The following CHRNE variants were observed in gnomAD, a reference collection of about 807,000 sequenced individuals.
CHRNE encodes the protein acetylcholine receptor subunit epsilon.
Under a neutral mutation model 56.5 loss-of-function variants are expected in CHRNE, and 58 were observed. That is an observed-to-expected ratio of 1.03 (90% CI 0.83 to 1.28). The LOEUF (loss-of-function observed/expected upper bound fraction) is 1.28, where lower values mean the gene tolerates loss of function less well. Ranked by LOEUF, CHRNE falls within the 50% of genes most tolerant of loss-of-function variation. CHRNE has a pLI of 0.00. For missense variants in CHRNE, 793 were observed against 688.9 expected, an observed-to-expected ratio of 1.15 and a Z score of -1.69; for synonymous variants, 385 against 297.9, an observed-to-expected ratio of 1.29 and a Z score of -3.01.
In CHRNE at chr17:4,900,167, G is replaced by A. The variant is rs1169424726; in HGVS notation, c.918-585C>T. Reference sequence around the variant, plus strand: ...AGAGGTGGGGTACTGGGGGGCTTAGGATACGCGGCGATCGGGTAGCGGGAA... The same window carrying A: ...AGAGGTGGGGTACTGGGGGGCTTAGAATACGCGGCGATCGGGTAGCGGGAA... On this transcript the variant is annotated intron_variant, in intron 8 of 11. Coordinates refer to ENST00000649488, the MANE Select transcript of CHRNE (RefSeq NM_000080.4). 5 of 1,546,310 alleles carry A rather than the reference G, an allele frequency of 3.2e-6. No individual in the cohort carries two copies. In the African/African-American group the frequency reaches 5.5e-5, roughly 17 times the overall value.
chr17:4,901,388 T>C (rs1405669276), intron 6 of CHRNE, 137 bp downstream of exon 6: 3 of 972,518 alleles, frequency 3.1e-6, no homozygotes, highest in Non-Finnish European at 4.9e-6. Context: ...TCGAGAATGA[T>C]TTCAGGACAG....
chr17:4,899,313 G>T lies in CHRNE; in HGVS notation c.1104C>A (p.Pro368=), dbSNP rs767374241. The change falls in exon 10 of 12, where the codon CCC becomes CCA. Residue 368 remains proline, a synonymous_variant. Coordinates refer to ENST00000649488, the MANE Select transcript of CHRNE (RefSeq NM_000080.4). The part of the protein sequence containing the change: ...PPPEAPRAAS[P]PRRASSVGLL... ...AGCCCACCGACGACGCCCGCCTTGG[G>T]GGCGAGGCGGCCCGGGGGGCCTCGG... 8.9e-6 allele frequency: 14 copies of T among 1,577,664 alleles called. No individual in the cohort carries two copies. The South Asian group carries it at 1.2e-4, about 14-fold the overall frequency.
At position 4,898,427 on chromosome 17, in the gene CHRNE, CAGCCACCAGAGTCCCGTGGGGCTG is replaced by C. The variant is rs1969798703; in HGVS notation, c.*285_*308del. 1 of 466,936 alleles carries C rather than the reference CAGCCACCAGAGTCCCGTGGGGCTG, an allele frequency of 2.1e-6. No individual in the cohort carries two copies. The highest frequency in any genetic ancestry group is 2.1e-5 in the South Asian group (1 of 47,262). 28.9% of individuals were successfully genotyped at this position (466,936 alleles called of 1,614,324 possible). A position where few individuals can be genotyped will look rare whatever the true frequency, so the allele number is the denominator to read the frequency against. Reference sequence around the variant, plus strand: ...TATAGATAGATAGCTCACAAGCTGGCAGCCACCAGAGTCCCGTGGGGCTGAGCCTTAGAAAGGCTGGGAGGTCAG... The same window carrying C: ...TATAGATAGATAGCTCACAAGCTGGCAGCCTTAGAAAGGCTGGGAGGTCAG... On this transcript the variant is annotated 3_prime_UTR_variant, in exon 12 of 12. Coordinates refer to ENST00000649488, the MANE Select transcript of CHRNE (RefSeq NM_000080.4).
At chr17:4,905,780 G>T (rs1398987681), upstream of CHRNE, among the ~76,000 whole-genome samples, 3 of 151,852 alleles carry the variant, frequency 2.0e-5, no homozygotes, top group East Asian at 5.8e-4. Context: ...AGAATCACTT[G>T]AACCTGGGAG....
At chr17:4,907,406 T>TAA (rs1196672280), upstream of CHRNE, among the ~76,000 whole-genome samples, 1 of 142,514 alleles carries the variant, frequency 7.0e-6, no homozygotes. Context: ...TACTAAAAAT[T>TAA]AAAAAAAAAA....
At chr17:4,901,262 G>A in intron 6 of CHRNE, 72 bp from the exon 7 acceptor site, 1 of 1,537,130 alleles carries the variant, frequency 6.5e-7, no homozygotes, top group African/African-American at 1.4e-5. Flanking sequence ...GGCTGAAGAG[G>A]AGGCTGCGGC....
chr17:4,904,329 T>G (rs761891017), upstream of CHRNE, among the ~76,000 whole-genome samples: 22 of 151,216 alleles, frequency 1.5e-4, no homozygotes, highest in Non-Finnish European at 2.7e-4. Context: ...TCCCAAAGGG[T>G]TAGGATTACA....
Position 4,901,101 on chromosome 17 carries a change from T to A in CHRNE, c.691A>T (p.Ile231Phe), listed in dbSNP as rs1226552673. The A allele has an allele frequency of 6.2e-7, 1 of 1,613,560 alleles. No homozygotes were observed. The highest frequency in any genetic ancestry group is 2.2e-5 in the East Asian group (1 of 44,836). ...TTCCGGCGGATGATGAGCGAGTAGA[T>A]GACGTCAGTCTCCCCTGGGCCGTCG... Reference protein sequence around the residue: ...ATDGPGETDVIYSLIIRRKPL... With the variant: ...ATDGPGETDVFYSLIIRRKPL... The change falls in exon 7 of 12, where the codon ATC becomes TTC. Residue 231 changes from isoleucine (I) to phenylalanine (F), a missense_variant. Transcript: ENST00000649488.
rs1332892379 is a variant in CHRNE at position 4,899,396 on chromosome 17, G to T, written c.1033-12C>A. ...AGCTCCAGGAGAACCTGGGGCAGGG[G>T]CGGGGCTTAGGGGACGAGGTTAGTA... On this transcript the variant is annotated splice_polypyrimidine_tract_variant and intron_variant, in intron 9 of 11. Coordinates refer to ENST00000649488, the MANE Select transcript of CHRNE (RefSeq NM_000080.4). 4 of 1,535,494 alleles carry T rather than the reference G, an allele frequency of 2.6e-6. No homozygotes were observed. Among genetic ancestry groups the T allele is most frequent in the Non-Finnish European group, 3.5e-6 (4 of 1,144,090 alleles).
At chr17:4,899,733 C>G in intron 8 of CHRNE, 151 bp from the exon 9 acceptor site, 1 of 1,545,262 alleles carries the variant, frequency 6.5e-7, no homozygotes. Flanking sequence ...GTCCCCCAGC[C>G]CTTCTCCTGT....
In CHRNE at chr17:4,902,208, G is replaced by A. The variant is rs371037732; in HGVS notation, c.344+9C>T. ...TTCCCTCCAGCCTGGCGTCTGGCCCGGTTCTCACTTGTTTTCCAGCACAAT... is the reference window on the plus strand; with the variant it reads ...TTCCCTCCAGCCTGGCGTCTGGCCCAGTTCTCACTTGTTTTCCAGCACAAT... On this transcript the variant is annotated intron_variant, in intron 4 of 11. Transcript: ENST00000649488. This position sits in a 1 kb window ranked among gnomAD's most constrained non-coding sequence, Gnocchi z 4.0. The A allele has an allele frequency of 2.5e-6, 4 of 1,613,850 alleles. No homozygotes were observed. Among genetic ancestry groups the A allele is most frequent in the Non-Finnish European group, 2.5e-6 (3 of 1,179,908 alleles).
In CHRNE at chr17:4,902,713, T is replaced by G. The variant is rs1021056884; in HGVS notation, c.97A>C (p.Asn33His). 1 of 1,614,014 alleles carries G rather than the reference T, an allele frequency of 6.2e-7. No homozygotes were observed. The highest frequency in any genetic ancestry group is 8.5e-7 in the Non-Finnish European group (1 of 1,180,012). The change falls in exon 2 of 12, where the codon AAC (asparagine) becomes CAC (histidine). Residue 33 changes from asparagine (N) to histidine (H), a missense_variant. Transcript: ENST00000649488. The surrounding 1 kb of genome is among the most constrained non-coding windows in gnomAD (Gnocchi z 4.0). ...EELRLYHHLF[N>H]NYDPGSRPVR... ...GGCCGGCTTCCTGGGTCATAGTTGT[T>G]GAAGAGATGGTGATAAAGACGCAGT...
At chr17:4,901,657 A>C in intron 5 of CHRNE, 32 bp from the exon 6 acceptor site, 2 of 1,593,998 alleles carry the variant, frequency 1.3e-6, no homozygotes, top group South Asian at 1.1e-5. Flanking sequence ...CCCACCCCAG[A>C]AGCTCTGACC....
upstream of CHRNE, among the ~76,000 whole-genome samples, chr17:4,905,835 C>T (rs1381379673): frequency 6.6e-6 from 1 of 151,780 alleles, no homozygotes; most frequent in African/African-American, 2.4e-5. Flanking sequence ...CACTCCAGCC[C>T]GGGTGACAGA....
upstream of CHRNE, among the ~76,000 whole-genome samples, chr17:4,904,158 C>T (rs969427033): frequency 4.0e-5 from 6 of 151,816 alleles, no homozygotes; most frequent in Non-Finnish European, 7.4e-5. Flanking sequence ...CGCCCAGCCT[C>T]GATGTTTTTT....
chr17:4,903,811 T>A (rs1446384353), upstream of CHRNE, among the ~76,000 whole-genome samples: 1 of 152,018 alleles, frequency 6.6e-6, no homozygotes, highest in African/African-American at 2.4e-5. Context: ...CGTGCACACA[T>A]ACACACACAC....
upstream of CHRNE, chr17:4,903,199 T>A: frequency 2.3e-6 from 2 of 865,946 alleles, no homozygotes; most frequent in Non-Finnish European, 3.8e-6. Flanking sequence ...TGCTCACCCC[T>A]GCTGCAGCTG....
chr17:4,901,261 G>A, intron 6 of CHRNE, 71 bp from the exon 7 acceptor site: 2 of 1,537,442 alleles, frequency 1.3e-6, no homozygotes, highest in Non-Finnish European at 1.8e-6. Flanking sequence ...GGGCTGAAGA[G>A]GAGGCTGCGG....
In CHRNE at chr17:4,901,601, C is replaced by T; in HGVS notation, c.525G>A (p.Glu175=). ...TGTCTACGGCAAAAGTGAACTCCAC[C>T]TCTTCGGCATTGTACGTCTGAGAGC... is the stretch of plus-strand genomic sequence containing the variant. The part of the protein sequence containing the change: ...IFRSQTYNAE[E]VEFTFAVDND... Residue 175 remains glutamate, a synonymous_variant, in exon 6 of 12, where the codon GAG becomes GAA. Transcript: ENST00000649488. 3 of 1,614,186 alleles carry T rather than the reference C, an allele frequency of 1.9e-6. No individual in the cohort carries two copies. The highest frequency in any genetic ancestry group is 2.5e-6 in the Non-Finnish European group (3 of 1,180,028).
Sources: allele counts gnomAD v4.1 joint callset (sites outside exome capture counted in the v4.1 genomes callset), GRCh38; gene constraint gnomAD v4.1.1; non-coding constraint Gnocchi (gnomAD v3.1); transcripts MANE v1.5; gene names NCBI Gene and HGNC (gene_info 2026-07-23, HGNC 2026-07-21).